The following CSGALNACT1 variants were observed in gnomAD, a reference collection of about 807,000 sequenced individuals.
CSGALNACT1 encodes chondroitin sulfate N-acetylgalactosaminyltransferase 1, also known as beta4GalNAcT-1.
In CSGALNACT1, 52 loss-of-function variants were observed where a neutral mutation model predicts 51.0. The ratio of observed to expected loss-of-function variants is 1.02; its 90% CI spans 0.82 to 1.29. The LOEUF is 1.29. CSGALNACT1 is among the 50% of genes most tolerant of loss of function. CSGALNACT1 has a pLI of 0.00. For missense variants in CSGALNACT1, 935 were observed against 679.2 expected, an observed-to-expected ratio of 1.38 and a Z score of -4.19; for synonymous variants, 341 against 254.4, an observed-to-expected ratio of 1.34 and a Z score of -3.24.
At chr8:19,523,792 C>T (rs141026628) in intron 3 of CSGALNACT1, among the ~76,000 whole-genome samples, 8 of 152,020 alleles carry the variant, frequency 5.3e-5, no homozygotes, top group Non-Finnish European at 1.0e-4. Flanking sequence ...TGGGGAGTGG[C>T]AAGGACAGTT....
chr8:19,461,173 C>A (rs569089943), intron 4 of CSGALNACT1, among the ~76,000 whole-genome samples: 210 of 152,312 alleles, frequency 1.4e-3, no homozygotes, highest in South Asian at 4.1e-3. Context: ...TTCAAAGTCC[C>A]AGAGGGAAAA....
intron 4 of CSGALNACT1, among the ~76,000 whole-genome samples, chr8:19,464,493 C>A (rs2066237260): frequency 6.6e-6 from 1 of 152,092 alleles, no homozygotes; most frequent in African/African-American, 2.4e-5. Flanking sequence ...ATCTGGGCAC[C>A]AATCAAGCTG....
At chr8:19,423,390 G>A (rs570358530) in intron 6 of CSGALNACT1, among the ~76,000 whole-genome samples, 3 of 152,306 alleles carry the variant, frequency 2.0e-5, no homozygotes, top group East Asian at 1.9e-4. Flanking sequence ...CTGAGTGAAC[G>A]GTAGAGACAG....
rs1426923392 is a variant in CSGALNACT1 at position 19,757,688 on chromosome 8, T to A, written c.-297+162A>T. ...TACTCTTGCAGGACAGAGTTCCCCATCCCCCTGCTCCACCCGCTCTGTTCC... is the reference window on the plus strand; with the variant it reads ...TACTCTTGCAGGACAGAGTTCCCCAACCCCCTGCTCCACCCGCTCTGTTCC... On this transcript the variant is annotated intron_variant, in intron 1 of 1. Transcript: ENST00000517494. This position sits in a 1 kb window ranked among gnomAD's most constrained non-coding sequence, Gnocchi z 4.0. Among the ~76,000 whole-genome samples, 1 of 151,860 alleles carries A rather than the reference T, an allele frequency of 6.6e-6. No homozygotes were observed. Among genetic ancestry groups the A allele is most frequent in the Non-Finnish European group, 1.5e-5 (1 of 67,964 alleles).
chr8:19,639,984 GTGATTC>G (rs1482994209), intron 1 of CSGALNACT1, among the ~76,000 whole-genome samples: 5 of 151,242 alleles, frequency 3.3e-5, no homozygotes, highest in Non-Finnish European at 4.4e-5. Flanking sequence ...CTGGGCTCAG[GTGATTC>G]TCCCACCTCG....
chr8:19,613,702 C>A (rs963846013), intron 1 of CSGALNACT1, among the ~76,000 whole-genome samples: 3 of 152,222 alleles, frequency 2.0e-5, no homozygotes, highest in African/African-American at 7.2e-5. Context: ...TAATCAGCCC[C>A]TGTGACTTTT....
intron 1 of CSGALNACT1, among the ~76,000 whole-genome samples, chr8:19,728,209 A>G (rs1292017888): frequency 6.6e-6 from 1 of 152,156 alleles, no homozygotes; most frequent in Non-Finnish European, 1.5e-5. Flanking sequence ...AAATTCTTCT[A>G]TGTAAAATCT....
chr8:19,701,153 G>GTTT lies in CSGALNACT1; in HGVS notation c.-297+56694_-297+56696dup, dbSNP rs767074945. On this transcript the variant is annotated intron_variant, in intron 1 of 1. Transcript: ENST00000517494. ...GAAAATTTCAGTTCATCTATTATCC[G>GTTT]TTTTTTTTTTTTTTTTTTTTGATAC... is the stretch of plus-strand genomic sequence containing the variant. 6.2e-4 allele frequency among the ~76,000 whole-genome samples: 58 copies of GTTT among 93,276 alleles called. 4 individuals are homozygous for GTTT. The highest frequency in any genetic ancestry group is 1.6e-3 in the African/African-American group (40 of 24,328). The allele number at this position is 93,276 out of a possible 152,430, so 61.2% of individuals were successfully genotyped here. A position where few individuals can be genotyped will look rare whatever the true frequency, so the allele number is the denominator to read the frequency against.
intron 1 of CSGALNACT1, among the ~76,000 whole-genome samples, chr8:19,729,010 T>C (rs1047287729): frequency 6.6e-6 from 1 of 152,142 alleles, no homozygotes; most frequent in Non-Finnish European, 1.5e-5. Flanking sequence ...TTTAAGCTGA[T>C]ATATTTCCCC....
chr8:19,740,647 T>C (rs1451289404), intron 1 of CSGALNACT1, among the ~76,000 whole-genome samples: 1 of 152,192 alleles, frequency 6.6e-6, no homozygotes, highest in Non-Finnish European at 1.5e-5. Context: ...AATTTTCCCA[T>C]TCAACAGCCT....
At chr8:19,668,063 T>G (rs2059524104) in intron 1 of CSGALNACT1, among the ~76,000 whole-genome samples, 1 of 152,182 alleles carries the variant, frequency 6.6e-6, no homozygotes. Context: ...ATTACATCCT[T>G]TAACTTTTCC....
intron 3 of CSGALNACT1, among the ~76,000 whole-genome samples, chr8:19,536,864 C>T (rs923550163): frequency 6.6e-6 from 1 of 152,178 alleles, no homozygotes; most frequent in Admixed American, 6.5e-5. Flanking sequence ...ACAACTGCTA[C>T]GTCCAACTGC....
rs962671195 is a variant in CSGALNACT1, at chr8:19,651,882, A to G, written c.-544+30591T>C. 6.6e-5 allele frequency among the ~76,000 whole-genome samples: 10 copies of G among 151,684 alleles called. No homozygotes were observed. In the East Asian group the frequency reaches 7.7e-4, roughly 12 times the overall value. ...TAATTTACATTTTTACCAGCAATTA[A>G]TGTGTTTCCTTTTCTCTACAACCTC... is the stretch of plus-strand genomic sequence containing the variant. On this transcript the variant is annotated intron_variant, in intron 1 of 9. Coordinates refer to the CSGALNACT1 transcript ENST00000332246.
In CSGALNACT1 at chr8:19,672,979, G is replaced by T. The variant is rs532499519; in HGVS notation, c.-544+9494C>A. 2.0e-5 allele frequency among the ~76,000 whole-genome samples: 3 copies of T among 152,320 alleles called. No homozygotes were observed. In the South Asian group the frequency reaches 6.2e-4, roughly 32 times the overall value. Reference sequence around the variant, plus strand: ...TAACCACTGTATCTCACTGCTTCTAGAAGTCTCAACATCCTCTTTCCAAGG... The same window carrying T: ...TAACCACTGTATCTCACTGCTTCTATAAGTCTCAACATCCTCTTTCCAAGG... On this transcript the variant is annotated intron_variant, in intron 1 of 9. Coordinates refer to the CSGALNACT1 transcript ENST00000332246.
At chr8:19,550,536 G>T (rs939490484) in intron 3 of CSGALNACT1, among the ~76,000 whole-genome samples, 2 of 151,820 alleles carry the variant, frequency 1.3e-5, no homozygotes, top group African/African-American at 2.4e-5. Context: ...TTTCTTCCCC[G>T]CTTTTCCCCT....
chr8:19,477,181 G>C (rs2069931053), intron 4 of CSGALNACT1, among the ~76,000 whole-genome samples: 1 of 152,194 alleles, frequency 6.6e-6, no homozygotes, highest in Non-Finnish European at 1.5e-5. Context: ...ACCATTATCA[G>C]TTACTGCACT....
intron 4 of CSGALNACT1, among the ~76,000 whole-genome samples, chr8:19,480,980 G>C (rs553934480): frequency 2.0e-5 from 3 of 152,238 alleles, no homozygotes; most frequent in Admixed American, 2.0e-4. Context: ...TCCTAGGTCT[G>C]TGTACTTCTC....
intron 3 of CSGALNACT1, among the ~76,000 whole-genome samples, chr8:19,589,069 G>A (rs552165703): frequency 5.9e-5 from 9 of 152,216 alleles, no homozygotes; most frequent in African/African-American, 1.4e-4. Flanking sequence ...AGCAAAGATC[G>A]GCTGACTATG....
intron 3 of CSGALNACT1, among the ~76,000 whole-genome samples, chr8:19,539,254 G>A (rs76966566): frequency 0.013 from 1,980 of 152,228 alleles, 41 homozygotes; most frequent in South Asian, 0.058. Context: ...ATCATCAACT[G>A]TAGTCCTCAT....
Sources: allele counts gnomAD v4.1 joint callset (sites outside exome capture counted in the v4.1 genomes callset), GRCh38; gene constraint gnomAD v4.1.1; non-coding constraint Gnocchi (gnomAD v3.1); transcripts MANE v1.5; gene names NCBI Gene and HGNC (gene_info 2026-07-23, HGNC 2026-07-21).